CRACD: variants seen among roughly 807,000 people sequenced by gnomAD.
CRACD encodes the protein capping protein-inhibiting regulator of actin dynamics.
Under a neutral mutation model 106.8 loss-of-function variants are expected in CRACD, and 56 were observed. The observed-to-expected ratio is 0.52, with a 90% confidence interval of 0.42 to 0.66. The LOEUF (loss-of-function observed/expected upper bound fraction) is 0.66. Ranked by LOEUF, CRACD falls within the 30% of genes least tolerant of loss-of-function variation. The pLI is 0.00. For synonymous variants in CRACD, 754 were observed against 670.8 expected (o/e 1.12, Z -1.92); for missense variants, 1,730 against 1,623.2 (o/e 1.07, Z -1.13).
intron 3 of CRACD, among the ~76,000 whole-genome samples, chr4:56,287,432 A>G (rs1743436828): frequency 6.6e-6 from 1 of 151,892 alleles, no homozygotes. Flanking sequence ...ACAGGCGTGA[A>G]CCACCATGCT....
At position 56,243,166 on chromosome 4, in the gene CRACD, C is replaced by T. The variant is rs1577792336; in HGVS notation, c.-188-29155C>T. Among the ~76,000 whole-genome samples the T allele has an allele frequency of 2.0e-5, 3 of 152,322 alleles. 1 individual carries two copies. In the South Asian group the frequency reaches 6.2e-4, roughly 32 times the overall value. On this transcript the variant is annotated intron_variant, in intron 2 of 10. Transcript: ENST00000682029. ...CTGTGTCCACCAGCTAAATTCTTAA[C>T]AGTGGTGTGAGCAGTTTCTGCTTCA...
intron 1 of CRACD, among the ~76,000 whole-genome samples, chr4:56,056,628 C>G (rs550313918): frequency 1.3e-5 from 2 of 151,872 alleles, no homozygotes; most frequent in Non-Finnish European, 2.9e-5. Context: ...AAAACACCCT[C>G]TCCCCGAAAA....
intron 1 of CRACD, among the ~76,000 whole-genome samples, chr4:56,141,318 A>C (rs1735189216): frequency 6.6e-6 from 1 of 152,202 alleles, no homozygotes; most frequent in Non-Finnish European, 1.5e-5. Flanking sequence ...CAGAGGACTG[A>C]CTGATCGTGA....
At chr4:56,209,872 G>A (rs957966961) in intron 2 of CRACD, among the ~76,000 whole-genome samples, 2 of 152,090 alleles carry the variant, frequency 1.3e-5, no homozygotes, top group Non-Finnish European at 2.9e-5. Flanking sequence ...AGGTAGTCAC[G>A]CAGCATCCAA....
intron 1 of CRACD, among the ~76,000 whole-genome samples, chr4:56,149,381 A>T (rs1489584314): frequency 1.3e-5 from 2 of 152,182 alleles, no homozygotes; most frequent in South Asian, 2.1e-4. Flanking sequence ...TTTCATGAAG[A>T]AAGATAAAAT....
intron 1 of CRACD, among the ~76,000 whole-genome samples, chr4:56,111,533 G>T (rs1464469525): frequency 6.6e-6 from 1 of 152,160 alleles, no homozygotes; most frequent in East Asian, 1.9e-4. Flanking sequence ...CATTTGAAAA[G>T]TTTAAAAACT....
intron 2 of CRACD, among the ~76,000 whole-genome samples, chr4:56,260,725 G>A (rs561500232): frequency 1.2e-4 from 18 of 152,120 alleles, no homozygotes; most frequent in Non-Finnish European, 2.6e-4. Context: ...TTCCGCCTTT[G>A]GACAGCAGCT....
At chr4:56,292,577 T>A (rs963130587) in intron 3 of CRACD, among the ~76,000 whole-genome samples, 21 of 151,738 alleles carry the variant, frequency 1.4e-4, no homozygotes, top group Middle Eastern at 3.4e-3. Context: ...CAGGCTGGAG[T>A]GCAGTGGCAC....
chr4:56,164,573 T>C (rs1401745824), intron 1 of CRACD, among the ~76,000 whole-genome samples: 1 of 152,206 alleles, frequency 6.6e-6, no homozygotes, highest in Non-Finnish European at 1.5e-5. Context: ...AGCCATACTG[T>C]ATGATTTCAT....
chr4:56,194,394 T>A (rs2109461952), intron 2 of CRACD, among the ~76,000 whole-genome samples: 1 of 152,242 alleles, frequency 6.6e-6, no homozygotes, highest in Non-Finnish European at 1.5e-5. Flanking sequence ...AAGAGATACA[T>A]AAAAGGAATC....
At chr4:56,126,850 A>G (rs979111313) in intron 1 of CRACD, among the ~76,000 whole-genome samples, 6 of 152,208 alleles carry the variant, frequency 3.9e-5, no homozygotes, top group Non-Finnish European at 7.3e-5. Context: ...TGGGGTGACT[A>G]GCAGAAACAA....
chr4:56,233,793 T>A (rs1457274152), intron 2 of CRACD, among the ~76,000 whole-genome samples: 1 of 152,218 alleles, frequency 6.6e-6, no homozygotes, highest in Non-Finnish European at 1.5e-5. Flanking sequence ...TTGGGTAGCA[T>A]TAATAACAAT....
chr4:56,208,859 T>A (rs544863218), intron 2 of CRACD, among the ~76,000 whole-genome samples: 1 of 152,306 alleles, frequency 6.6e-6, no homozygotes, highest in South Asian at 2.1e-4. Flanking sequence ...TTTATTTAGG[T>A]AAAGTGATAA....
At chr4:56,165,672 T>C (rs1319754773) in intron 1 of CRACD, among the ~76,000 whole-genome samples, 2 of 152,186 alleles carry the variant, frequency 1.3e-5, no homozygotes, top group Non-Finnish European at 2.9e-5. Flanking sequence ...CCTATTTATG[T>C]AGAAAGAGTT....
Position 56,314,508 on chromosome 4 carries a change from G to C in CRACD, c.1006G>C (p.Glu336Gln). Residue 336 changes from glutamate to glutamine, a missense_variant, in exon 8 of 11, where the codon GAG becomes CAG. By Grantham distance (29) the Glu-to-Gln change is conservative. Coordinates refer to ENST00000682029, the MANE Select transcript of CRACD (RefSeq NM_001393381.1). The surrounding 1 kb of genome is among the most constrained non-coding windows in gnomAD (Gnocchi z 4.4). ...CCAAGCGGAGGAGAGGCGGCGGCTGGAGGAGGACGCCAGGCTGGAGGAGCG... is the reference window on the plus strand; with the variant it reads ...CCAAGCGGAGGAGAGGCGGCGGCTGCAGGAGGACGCCAGGCTGGAGGAGCG... Reference protein sequence around the residue: ...QAQAEERRRLEEDARLEERRR... With the variant: ...QAQAEERRRLQEDARLEERRR... The C allele has an allele frequency of 6.6e-7, 1 of 1,516,122 alleles. No homozygotes were observed. Among genetic ancestry groups the C allele is most frequent in the African/African-American group, 1.4e-5 (1 of 71,594 alleles). The allele number at this position is 1,516,122 out of a possible 1,614,324, so 93.9% of individuals were successfully genotyped here. A position where few individuals can be genotyped will look rare whatever the true frequency, so the allele number is the denominator to read the frequency against.
At chr4:56,117,385 T>C (rs1370685876) in intron 1 of CRACD, among the ~76,000 whole-genome samples, 1 of 151,998 alleles carries the variant, frequency 6.6e-6, no homozygotes, top group Non-Finnish European at 1.5e-5. Flanking sequence ...CTAAGTGAAA[T>C]AAGCCAGTCA....
intron 1 of CRACD, among the ~76,000 whole-genome samples, chr4:56,155,553 C>T (rs947156634): frequency 6.6e-6 from 1 of 152,204 alleles, no homozygotes; most frequent in Non-Finnish European, 1.5e-5. Context: ...CCTTCTACGT[C>T]GATTGAATCC....
At position 56,316,688 on chromosome 4, in the gene CRACD, AG is replaced by A; in HGVS notation, c.3187+1del. 6.2e-7 allele frequency: 1 copy of A among 1,604,948 alleles called. No individual in the cohort carries two copies. Among genetic ancestry groups the A allele is most frequent in the Non-Finnish European group, 8.5e-7 (1 of 1,174,314 alleles). On this transcript the variant is annotated frameshift_variant and splice_region_variant, in exon 8 of 11. Transcript: ENST00000682029. LOFTEE classifies it high-confidence loss of function. ...CTCAAACACCCGAGGCCGGGAGGAA[AG>A]GTAGGTAGCTGCAGGGTGGGTAACT... ...PSQTPEAGRK[E>X]KPMLQSRHSL... is the part of the protein sequence containing the mutation.
intron 2 of CRACD, among the ~76,000 whole-genome samples, chr4:56,222,218 G>T (rs1034100692): frequency 1.3e-5 from 2 of 152,140 alleles, no homozygotes; most frequent in African/African-American, 2.4e-5. Flanking sequence ...GCCATAAAAA[G>T]AAATGAAATA....
Sources: gnomAD v4.1 joint callset for allele counts (sites outside exome capture counted in the v4.1 genomes callset) on GRCh38, gnomAD v4.1.1 for gene constraint, Gnocchi (gnomAD v3.1) non-coding constraint, MANE v1.5 for transcripts, NCBI Gene and HGNC (gene_info 2026-07-23, HGNC 2026-07-21) for gene names.